RNFT2: variants seen among roughly 807,000 people sequenced by gnomAD.
RNFT2 encodes ring finger protein, transmembrane 2.
A neutral mutation model predicts 53.0 loss-of-function variants in RNFT2; 36 were observed. The ratio of observed to expected loss-of-function variants is 0.68; its 90% CI spans 0.52 to 0.90. The LOEUF is 0.90. Among genes scored for constraint, RNFT2 ranks in the 40% least tolerant of loss-of-function variants. The pLI, the probability that RNFT2 is intolerant of heterozygous loss-of-function variation, is 0.00. For synonymous variants in RNFT2, 260 were observed against 253.2 expected (o/e 1.03, Z -0.26); for missense variants, 514 against 585.6 (o/e 0.88, Z 1.26).
chr12:116,758,314 A>G (rs10774886), intron 5 of RNFT2, among the ~76,000 whole-genome samples: 116,647 of 152,152 alleles, frequency 0.77, 46,245 homozygotes, highest in Admixed American at 0.86. Context: ...TAGGCCACTT[A>G]CATTCAATGT....
At position 116,851,967 on chromosome 12, in the gene RNFT2, C is replaced by T. The variant is rs1182293279; in HGVS notation, c.*2519C>T. ...TAGCCTTCAGAGCAAACAGGACAAC[C>T]TATGTTATGGATGTTTCCACCAACC... On this transcript the variant is annotated 3_prime_UTR_variant, in exon 11 of 11. Coordinates refer to ENST00000257575, the MANE Select transcript of RNFT2 (RefSeq NM_001382266.1). 1 of 1,510,704 alleles carries T rather than the reference C, an allele frequency of 6.6e-7. No homozygotes were observed. Among genetic ancestry groups the T allele is most frequent in the Non-Finnish European group, 8.8e-7 (1 of 1,136,868 alleles). 93.6% of individuals were successfully genotyped at this position (1,510,704 alleles called of 1,614,324 possible). A position where few individuals can be genotyped will look rare whatever the true frequency, so the allele number is the denominator to read the frequency against.
intron 4 of RNFT2, among the ~76,000 whole-genome samples, chr12:116,753,100 T>G (rs117727938): frequency 0.025 from 3,823 of 152,046 alleles, 73 homozygotes; most frequent in Non-Finnish European, 0.041. Context: ...ACATTAAACT[T>G]GAATTCCTTA....
intron 10 of RNFT2, among the ~76,000 whole-genome samples, chr12:116,839,464 A>G (rs544263144): frequency 1.0e-4 from 13 of 130,306 alleles, no homozygotes; most frequent in African/African-American, 3.5e-4. Flanking sequence ...TGGATGGATG[A>G]ATGGAAGTGA....
At chr12:116,781,021 C>T (rs1228049156) in intron 7 of RNFT2, among the ~76,000 whole-genome samples, 2 of 152,164 alleles carry the variant, frequency 1.3e-5, no homozygotes, top group Non-Finnish European at 2.9e-5. Context: ...TTTGTAAGAA[C>T]TATTGGTTGT....
intron 4 of RNFT2, among the ~76,000 whole-genome samples, chr12:116,750,940 G>A: frequency 7.3e-6 from 1 of 136,584 alleles, no homozygotes. Flanking sequence ...TGCTCTTTCA[G>A]CCAGGCTGGA....
intron 10 of RNFT2, among the ~76,000 whole-genome samples, chr12:116,847,546 A>C (rs994468189): frequency 4.8e-5 from 6 of 125,386 alleles, no homozygotes; most frequent in African/African-American, 1.7e-4. Flanking sequence ...TTTTTTTTTG[A>C]GGCAGAGTTT....
At chr12:116,783,804 T>C (rs1873813755) in intron 7 of RNFT2, among the ~76,000 whole-genome samples, 3 of 152,238 alleles carry the variant, frequency 2.0e-5, no homozygotes, top group Admixed American at 2.0e-4. Flanking sequence ...TAAGTGACAC[T>C]TGAGAACAGA....
At chr12:116,757,418 G>A (rs1021328431) in intron 5 of RNFT2, among the ~76,000 whole-genome samples, 5 of 152,084 alleles carry the variant, frequency 3.3e-5, no homozygotes, top group Non-Finnish European at 7.4e-5. Flanking sequence ...ACCTTGGAGT[G>A]TCAGTTTGTG....
At chr12:116,749,034 C>T (rs893330519) in intron 3 of RNFT2, among the ~76,000 whole-genome samples, 1 of 152,268 alleles carries the variant, frequency 6.6e-6, no homozygotes, top group Non-Finnish European at 1.5e-5. Context: ...ATAAAGGTTA[C>T]GACCTATTGT....
At chr12:116,761,106 C>A (rs116387939) in intron 5 of RNFT2, among the ~76,000 whole-genome samples, 1,980 of 152,250 alleles carry the variant, frequency 0.013, 43 homozygotes, top group African/African-American at 0.046. Context: ...CTAGCCCAGT[C>A]CCTTTACGCC....
rs985867184 is a variant in RNFT2, at chr12:116,833,791, G to A, written c.883-1G>A. ...AATTGATGTTCTCTGTGTGGTTGCA[G>A]GGAAAGTTCTATCTGGTCATCGAGG... On this transcript the variant is annotated splice_acceptor_variant, in intron 7 of 10. Transcript: ENST00000257575. LOFTEE classifies it high-confidence loss of function. 2.5e-6 allele frequency: 4 copies of A among 1,613,182 alleles called. No homozygotes were observed. Among genetic ancestry groups the A allele is most frequent in the Non-Finnish European group, 2.5e-6 (3 of 1,179,522 alleles).
intron 7 of RNFT2, among the ~76,000 whole-genome samples, chr12:116,800,675 A>G (rs1163619907): frequency 1.3e-5 from 2 of 151,604 alleles, no homozygotes; most frequent in East Asian, 3.9e-4. Context: ...ATTAGCTGGC[A>G]CTGTGGTGCG....
intron 4 of RNFT2, among the ~76,000 whole-genome samples, chr12:116,752,108 GTGAGGCCGAGGCAGGAGGATTGCT>G (rs1260875947): frequency 6.6e-6 from 1 of 151,904 alleles, no homozygotes; most frequent in Non-Finnish European, 1.5e-5. Flanking sequence ...CCAACACTTT[GTGAGGCCGAGGCAGGAGGATTGCT>G]TGAGGCTGGG....
At position 116,853,331 on chromosome 12, in the gene RNFT2, G is replaced by C. The variant is rs911126483; in HGVS notation, c.*3883G>C. 5.0e-6 allele frequency: 2 copies of C among 397,122 alleles called. No homozygotes were observed. The highest frequency in any genetic ancestry group is 3.6e-5 in the East Asian group (1 of 28,036). The allele number at this position is 397,122 out of a possible 1,614,324, so 24.6% of individuals were successfully genotyped here. A position where few individuals can be genotyped will look rare whatever the true frequency, so the allele number is the denominator to read the frequency against. Reference sequence around the variant, plus strand: ...TATGATTCACTGACTCAAGTTCCACGAAGTCCTTAGAAATGGACCTCTTCA... The same window carrying C: ...TATGATTCACTGACTCAAGTTCCACCAAGTCCTTAGAAATGGACCTCTTCA... On this transcript the variant is annotated 3_prime_UTR_variant, in exon 11 of 11. Coordinates refer to ENST00000257575, the MANE Select transcript of RNFT2 (RefSeq NM_001382266.1).
intron 10 of RNFT2, among the ~76,000 whole-genome samples, chr12:116,846,097 C>T (rs868794982): frequency 6.6e-6 from 1 of 152,116 alleles, no homozygotes; most frequent in Non-Finnish European, 1.5e-5. Context: ...CAATTAGGCA[C>T]CCACTGTACA....
chr12:116,841,910 T>TATATATATAA, intron 10 of RNFT2, among the ~76,000 whole-genome samples: 1 of 38,192 alleles, frequency 2.6e-5, no homozygotes, highest in Non-Finnish European at 3.8e-5. Context: ...TATATATAAA[T>TATATATATAA]ATATATATAA....
intron 8 of RNFT2, among the ~76,000 whole-genome samples, chr12:116,834,410 C>G (rs111290164): frequency 1.7e-4 from 26 of 152,152 alleles, no homozygotes; most frequent in African/African-American, 6.0e-4. Context: ...TGAGCCACCA[C>G]GCCCGGCCTC....
chr12:116,795,581 G>T (rs995201920), intron 7 of RNFT2, among the ~76,000 whole-genome samples: 1 of 152,126 alleles, frequency 6.6e-6, no homozygotes, highest in Non-Finnish European at 1.5e-5. Flanking sequence ...GGGCTCAAAC[G>T]CAGAAATGGC....
rs1565873774 is a variant in RNFT2 at position 116,834,003 on chromosome 12, CAG to C, written c.1032+63_1032+64del. 5.5e-6 allele frequency: 8 copies of C among 1,455,818 alleles called. No individual in the cohort carries two copies. The East Asian group carries it at 1.0e-4, about 19-fold the overall frequency. 90.2% of individuals were successfully genotyped at this position (1,455,818 alleles called of 1,614,324 possible). A position where few individuals can be genotyped will look rare whatever the true frequency, so the allele number is the denominator to read the frequency against. Reference sequence around the variant, plus strand: ...AGGGCCCCATTCACTAGTCAGGCCTCAGGGGGCTCCTGGGCAACCTAGAATAC... The same window carrying C: ...AGGGCCCCATTCACTAGTCAGGCCTCGGGGCTCCTGGGCAACCTAGAATAC... On this transcript the variant is annotated intron_variant, in intron 8 of 10. Coordinates refer to ENST00000257575, the MANE Select transcript of RNFT2 (RefSeq NM_001382266.1).
Sources: allele counts gnomAD v4.1 joint callset (sites outside exome capture counted in the v4.1 genomes callset), GRCh38; gene constraint gnomAD v4.1.1; transcripts MANE v1.5; gene names NCBI Gene and HGNC (gene_info 2026-07-23, HGNC 2026-07-21).